CEP83: variants seen among roughly 807,000 people sequenced by gnomAD.
CEP83 encodes the protein centrosomal protein of 83 kDa.
Under a neutral mutation model 101.9 loss-of-function variants are expected in CEP83, and 70 were observed. That is an observed-to-expected ratio of 0.69 (90% CI 0.57 to 0.84). The LOEUF is 0.84. Among genes scored for constraint, CEP83 ranks in the 40% least tolerant of loss-of-function variants. CEP83 has a pLI of 0.00. For synonymous variants in CEP83, 264 were observed against 267.9 expected (o/e 0.99, Z 0.14); for missense variants, 715 against 787.2 (o/e 0.91, Z 1.10).
chr12:94,436,211 C>G (rs1288681022), intron 1 of CEP83, among the ~76,000 whole-genome samples: 1 of 152,042 alleles, frequency 6.6e-6, no homozygotes, highest in East Asian at 1.9e-4. Context: ...AGCTCTCCAG[C>G]AATGGATCCA....
At chr12:94,459,093 A>G (rs1392902537) in intron 1 of CEP83, among the ~76,000 whole-genome samples, 1 of 152,244 alleles carries the variant, frequency 6.6e-6, no homozygotes, top group African/African-American at 2.4e-5. Flanking sequence ...CATTTCAGCT[A>G]ACTAAAGGCT....
chr12:94,331,661 C>T (rs2059230666), intron 14 of CEP83, 39 bp downstream of exon 14: 3 of 1,604,658 alleles, frequency 1.9e-6, no homozygotes, highest in Non-Finnish European at 2.6e-6. Context: ...TGTGAGCCAC[C>T]ATGCCTGGCC....
chr12:94,350,618 C>A (rs1164400297), intron 11 of CEP83, among the ~76,000 whole-genome samples: 7 of 149,064 alleles, frequency 4.7e-5, no homozygotes, highest in East Asian at 1.9e-4. Context: ...ACAACAACAA[C>A]AAAAAAAAAC....
intron 2 of CEP83, among the ~76,000 whole-genome samples, 166 bp downstream of exon 2, chr12:94,435,109 A>C (rs890019648): frequency 1.3e-5 from 2 of 152,196 alleles, no homozygotes; most frequent in African/African-American, 4.8e-5. Flanking sequence ...TCTGAATGAC[A>C]CTGAAATTTG....
chr12:94,279,999 G>A, the CEP83 span: 2 of 392,950 alleles, frequency 5.1e-6, no homozygotes, highest in Non-Finnish European at 9.7e-6. Context: ...CTCTGCGTGT[G>A]TTGCATTTCA....
At chr12:94,376,267 T>C (rs1283455709) in intron 7 of CEP83, among the ~76,000 whole-genome samples, 1 of 152,162 alleles carries the variant, frequency 6.6e-6, no homozygotes, top group African/African-American at 2.4e-5. Flanking sequence ...ATAAAGTTTA[T>C]ACACTTCTCT....
At chr12:94,457,330 G>C (rs759158112) in intron 1 of CEP83, among the ~76,000 whole-genome samples, 3 of 152,140 alleles carry the variant, frequency 2.0e-5, no homozygotes, top group Non-Finnish European at 2.9e-5. Flanking sequence ...AACAATGTGG[G>C]CAATTTACTT....
chr12:94,343,261 TAAGAAGAC>T, intron 11 of CEP83, among the ~76,000 whole-genome samples: 1 of 152,002 alleles, frequency 6.6e-6, no homozygotes, highest in South Asian at 2.1e-4. Context: ...AATGCGAACT[TAAGAAGAC>T]ACCCATTCTA....
At chr12:94,293,011 CTT>C in the CEP83 span, among the ~76,000 whole-genome samples, 144 of 152,268 alleles carry the variant, frequency 9.5e-4, no homozygotes, top group African/African-American at 3.4e-3. Context: ...CCGCTGCTCT[CTT>C]CTCCAAATAT....
the CEP83 span, among the ~76,000 whole-genome samples, chr12:94,285,080 G>A: frequency 4.0e-5 from 6 of 150,734 alleles, no homozygotes; most frequent in Non-Finnish European, 5.9e-5. Context: ...GTGGATGGGA[G>A]GGATAGTAAG....
chr12:94,266,816 G>C, the CEP83 span, among the ~76,000 whole-genome samples: 1 of 152,360 alleles, frequency 6.6e-6, no homozygotes, highest in East Asian at 1.9e-4. Context: ...CCAGGCATGT[G>C]AGTGCTACCT....
chr12:94,376,732 C>CAT (rs141020909), intron 7 of CEP83, among the ~76,000 whole-genome samples: 53 of 95,016 alleles, frequency 5.6e-4, no homozygotes, highest in Middle Eastern at 5.3e-3. Flanking sequence ...CACACACACA[C>CAT]ATATATATAT....
At chr12:94,448,581 T>C (rs1464997480) in intron 1 of CEP83, among the ~76,000 whole-genome samples, 1 of 152,120 alleles carries the variant, frequency 6.6e-6, no homozygotes, top group Non-Finnish European at 1.5e-5. Flanking sequence ...TCATAAAAAA[T>C]GTGTGATCTG....
intron 11 of CEP83, among the ~76,000 whole-genome samples, chr12:94,365,501 G>T (rs2136983998): frequency 6.6e-6 from 1 of 152,276 alleles, no homozygotes; most frequent in South Asian, 2.1e-4. Flanking sequence ...AGGTGCAGTG[G>T]CTCAACACCT....
At chr12:94,450,073 C>T (rs2059161903) in intron 1 of CEP83, among the ~76,000 whole-genome samples, 1 of 152,174 alleles carries the variant, frequency 6.6e-6, no homozygotes, top group South Asian at 2.1e-4. Context: ...CAAAAATCTG[C>T]ATGTTTTCCC....
chr12:94,318,161 T>C (rs1465574326), intron 14 of CEP83, among the ~76,000 whole-genome samples: 3 of 152,114 alleles, frequency 2.0e-5, no homozygotes, highest in Admixed American at 1.3e-4. Context: ...TATTCCTAGG[T>C]ATTTTATTTT....
At chr12:94,296,934 T>TC in the CEP83 span, among the ~76,000 whole-genome samples, 1 of 152,082 alleles carries the variant, frequency 6.6e-6, no homozygotes, top group South Asian at 2.1e-4. Context: ...GGCTTGAGCC[T>TC]CTCCTACCAG....
rs374195943 is a variant in CEP83, at chr12:94,309,675, G to A, written c.2001+243C>T. Among the ~76,000 whole-genome samples, 7 of 151,910 alleles carry A rather than the reference G, an allele frequency of 4.6e-5. No homozygotes were observed. In the East Asian group the frequency reaches 9.6e-4, roughly 21 times the overall value. On this transcript the variant is annotated intron_variant, in intron 16 of 16. Coordinates refer to ENST00000397809, the MANE Select transcript of CEP83 (RefSeq NM_016122.3). ...TCAATCAAGTTTCCTCTTTTCTATCGTCCAGTAAGAGATTTCACTCTCAGC... is the reference window on the plus strand; with the variant it reads ...TCAATCAAGTTTCCTCTTTTCTATCATCCAGTAAGAGATTTCACTCTCAGC...
intron 11 of CEP83, among the ~76,000 whole-genome samples, chr12:94,340,278 T>G (rs971963319): frequency 2.0e-5 from 3 of 152,190 alleles, no homozygotes; most frequent in Non-Finnish European, 4.4e-5. Context: ...GGTTATTTGC[T>G]ATTATATCAA....
Sources: allele counts gnomAD v4.1 joint callset (sites outside exome capture counted in the v4.1 genomes callset), GRCh38; gene constraint gnomAD v4.1.1; transcripts MANE v1.5; gene names NCBI Gene and HGNC (gene_info 2026-07-23, HGNC 2026-07-21).